The following TRIM5 variants were observed in gnomAD, a reference collection of about 807,000 sequenced individuals.
TRIM5 encodes the protein tripartite motif-containing protein 5.
A neutral mutation model predicts 35.6 loss-of-function variants in TRIM5; 31 were observed. The ratio of observed to expected loss-of-function variants is 0.87; its 90% CI spans 0.65 to 1.18. The LOEUF is 1.18. Among genes scored for constraint, TRIM5 ranks in the 50% most tolerant of loss-of-function variants. TRIM5 has a pLI of 0.00. For synonymous variants in TRIM5, 243 were observed against 215.6 expected (o/e 1.13, Z -1.11); for missense variants, 609 against 591.6 (o/e 1.03, Z -0.31).
At chr11:5,682,411 C>T (rs976568201) in intron 1 of TRIM5, among the ~76,000 whole-genome samples, 2 of 152,064 alleles carry the variant, frequency 1.3e-5, no homozygotes. Context: ...TTAAGAAAAT[C>T]CAGTAGTTCC....
At chr11:5,637,465 T>G in the TRIM5 span, among the ~76,000 whole-genome samples, 18 of 152,388 alleles carry the variant, frequency 1.2e-4, no homozygotes, top group Admixed American at 1.1e-3. Context: ...GGAGATACTT[T>G]GATTTTTAAT....
chr11:5,610,136 C>G, the TRIM5 span: 1 of 1,613,742 alleles, frequency 6.2e-7, no homozygotes, highest in Non-Finnish European at 8.5e-7. Flanking sequence ...GAAGTCCTGT[C>G]CTTTCTAGGA....
At chr11:5,597,196 C>G in the TRIM5 span, among the ~76,000 whole-genome samples, 1 of 152,098 alleles carries the variant, frequency 6.6e-6, no homozygotes, top group Non-Finnish European at 1.5e-5. Flanking sequence ...GTTAACTTGA[C>G]TTCTTTGAGC....
intron 4 of TRIM5, among the ~76,000 whole-genome samples, chr11:5,669,293 T>G (rs1407795434): frequency 6.6e-6 from 1 of 151,992 alleles, no homozygotes. Context: ...TTGGTCGGGC[T>G]GGTCTTGAAC....
At chr11:5,591,716 TG>T in the TRIM5 span, among the ~76,000 whole-genome samples, 1 of 152,158 alleles carries the variant, frequency 6.6e-6, no homozygotes, top group African/African-American at 2.4e-5. Flanking sequence ...CTGGGAGACA[TG>T]ATCTGATTGG....
the TRIM5 span, chr11:5,604,492 C>T: frequency 3.8e-6 from 6 of 1,588,678 alleles, no homozygotes; most frequent in South Asian, 7.0e-5. Flanking sequence ...ACTGAGTCAA[C>T]TGAAGGCTTG....
At position 5,679,992 on chromosome 11, in the gene TRIM5, G is replaced by A. The variant is rs1322995198; in HGVS notation, c.186C>T (p.Tyr62=). 1.2e-6 allele frequency: 2 copies of A among 1,614,094 alleles called. No homozygotes were observed. The highest frequency in any genetic ancestry group is 4.5e-5 in the East Asian group (2 of 44,880). The part of the protein sequence containing the change: ...ESSCPVCRIS[Y]QPENIRPNRH... ...GATTAGGCCGTATGTTCTCAGGCTG[G>A]TAACTGATCCGGCACACAGGGCAGC... Residue 62 remains tyrosine, a synonymous_variant, in exon 2 of 8, where the codon TAC becomes TAT. Coordinates refer to ENST00000380034, the MANE Select transcript of TRIM5 (RefSeq NM_033034.3).
chr11:5,646,497 C>A, the TRIM5 span, among the ~76,000 whole-genome samples: 1 of 152,196 alleles, frequency 6.6e-6, no homozygotes, highest in Non-Finnish European at 1.5e-5. Flanking sequence ...GCACCTGCCA[C>A]CACTAGACTA....
chr11:5,642,511 G>A, the TRIM5 span: 2 of 1,613,440 alleles, frequency 1.2e-6, no homozygotes, highest in Non-Finnish European at 8.5e-7. Flanking sequence ...TTAGAGGTGA[G>A]GAGAAGCAGA....
At chr11:5,625,079 G>A in the TRIM5 span, 1 of 152,204 alleles carries the variant, frequency 6.6e-6, no homozygotes, top group Admixed American at 6.5e-5. Flanking sequence ...GGAGGTTTGT[G>A]GGGGGTAGAG....
chr11:5,665,901 G>A (rs2134022722), intron 6 of TRIM5, 80 bp downstream of exon 6: 2 of 1,420,548 alleles, frequency 1.4e-6, no homozygotes. Context: ...TCCATATTTG[G>A]AAACTGCACC....
chr11:5,596,716 A>C, the TRIM5 span: 149 of 831,232 alleles, frequency 1.8e-4, no homozygotes, highest in Non-Finnish European at 2.5e-4. Flanking sequence ...CTGGCGGAGG[A>C]GGGATCCCCT....
the TRIM5 span, chr11:5,643,612 A>G: frequency 6.2e-7 from 1 of 1,614,080 alleles, no homozygotes; most frequent in Non-Finnish European, 8.5e-7. Flanking sequence ...TCCCTCATTT[A>G]CAAGTTCTCT....
At chr11:5,623,762 A>G in the TRIM5 span, among the ~76,000 whole-genome samples, 1 of 152,142 alleles carries the variant, frequency 6.6e-6, no homozygotes, top group Non-Finnish European at 1.5e-5. Context: ...TAGTCAAAGC[A>G]TATTCCCAAG....
At chr11:5,636,749 T>C in the TRIM5 span, among the ~76,000 whole-genome samples, 6 of 152,230 alleles carry the variant, frequency 3.9e-5, no homozygotes, top group African/African-American at 1.4e-4. Flanking sequence ...GGGATTAACA[T>C]TTCACTTCTA....
intron 4 of TRIM5, among the ~76,000 whole-genome samples, chr11:5,670,240 C>T (rs1029108623): frequency 4.9e-5 from 6 of 123,616 alleles, no homozygotes; most frequent in Non-Finnish European, 7.9e-5. Context: ...TGCAGTGGTG[C>T]GATCTCAGCT....
the TRIM5 span, chr11:5,610,765 CT>C: frequency 6.2e-7 from 1 of 1,613,020 alleles, no homozygotes; most frequent in Non-Finnish European, 8.5e-7. Context: ...GATGTTGTAC[CT>C]TTTCCTACAG....
the TRIM5 span, chr11:5,642,476 G>C: frequency 0.032 from 52,430 of 1,613,948 alleles, 1,507 homozygotes; most frequent in Admixed American, 0.11. Flanking sequence ...CCATGCTCCA[G>C]ATCTGAGTAG....
the TRIM5 span, among the ~76,000 whole-genome samples, chr11:5,641,917 T>C: frequency 1.3e-5 from 2 of 152,170 alleles, no homozygotes; most frequent in African/African-American, 4.8e-5. Flanking sequence ...GCCATTCCAC[T>C]GGAGTTCAGG....
Sources: gnomAD v4.1 joint callset for allele counts (sites outside exome capture counted in the v4.1 genomes callset) on GRCh38, gnomAD v4.1.1 for gene constraint, MANE v1.5 for transcripts, NCBI Gene and HGNC (gene_info 2026-07-23, HGNC 2026-07-21) for gene names.